The following EIF2AK4 variants were observed in gnomAD, a reference collection of about 807,000 sequenced individuals.
EIF2AK4 encodes the protein eukaryotic translation initiation factor 2 alpha kinase 4.
EIF2AK4 carries 139 observed loss-of-function variants against 211.1 expected under a neutral mutation model. The observed-to-expected ratio is 0.66, with a 90% CI of 0.57 to 0.76. EIF2AK4 has a LOEUF of 0.76. Among genes scored for constraint, EIF2AK4 ranks in the 30% least tolerant of loss-of-function variants. The probability of loss-of-function intolerance (pLI) is 0.00; values close to 1 mark genes in which losing one functional copy is unlikely to be tolerated. For missense variants in EIF2AK4, 1,664 were observed against 2,043.8 expected (o/e 0.81, Z 3.58); for synonymous variants, 710 against 751.3 (o/e 0.94, Z 0.90).
intron 6 of EIF2AK4, among the ~76,000 whole-genome samples, chr15:39,958,355 A>G (rs990877663): frequency 6.6e-6 from 1 of 152,216 alleles, no homozygotes; most frequent in Admixed American, 6.5e-5. Context: ...TCACCTATTT[A>G]TATCTACCAT....
chr15:40,034,752 A>G (rs1244223079), intron 38 of EIF2AK4, among the ~76,000 whole-genome samples: 2 of 152,212 alleles, frequency 1.3e-5, no homozygotes. Context: ...TCCTTATGTC[A>G]TAATGCCAAT....
At chr15:39,980,523 C>G (rs1294593012) in intron 13 of EIF2AK4, among the ~76,000 whole-genome samples, 1 of 152,140 alleles carries the variant, frequency 6.6e-6, no homozygotes, top group Non-Finnish European at 1.5e-5. Context: ...ATAGTTAATG[C>G]AACTGTTGCT....
chr15:40,032,247 T>C lies in EIF2AK4; in HGVS notation c.4728+10T>C. 1 of 1,613,608 alleles carries C rather than the reference T, an allele frequency of 6.2e-7. No homozygotes were observed. The highest frequency in any genetic ancestry group is 8.5e-7 in the Non-Finnish European group (1 of 1,179,456). On this transcript the variant is annotated intron_variant, in intron 36 of 38. Coordinates refer to ENST00000263791, the MANE Select transcript of EIF2AK4 (RefSeq NM_001013703.4). The stretch of plus-strand genomic sequence containing the variant: ...AATTGAAATTCTGGCTGTAAGTGGC[T>C]TTCTTTAGTATTTTGAAGGTGGCTT...
In EIF2AK4 at chr15:40,034,397, C is replaced by CCT; in HGVS notation, c.4847_4848dup (p.Lys1617SerfsTer3). ...TGTCACGCCTGCCAAAGCAAAGATA[C>CCT]CTCAAATTAGTCTGTGATGAAATTT... On this transcript the variant is annotated frameshift_variant, in exon 38 of 39. Transcript: ENST00000263791. LOFTEE classifies it high-confidence loss of function. 1 of 1,613,876 alleles carries CCT rather than the reference C, an allele frequency of 6.2e-7. No homozygotes were observed. Among genetic ancestry groups the CCT allele is most frequent in the Non-Finnish European group, 8.5e-7 (1 of 1,179,898 alleles).
intron 15 of EIF2AK4, among the ~76,000 whole-genome samples, chr15:39,988,551 G>A (rs965195471): frequency 6.6e-6 from 1 of 152,038 alleles, no homozygotes; most frequent in Non-Finnish European, 1.5e-5. Context: ...GCCTATGGCT[G>A]TTTTTTTTCC....
intron 27 of EIF2AK4, among the ~76,000 whole-genome samples, 187 bp downstream of exon 27, chr15:40,011,533 T>C (rs2035235356): frequency 6.6e-6 from 1 of 152,224 alleles, no homozygotes; most frequent in Admixed American, 6.5e-5. Context: ...AAACTAATGC[T>C]GTGATCAAAG....
intron 35 of EIF2AK4, among the ~76,000 whole-genome samples, chr15:40,031,702 CCTTT>C (rs923280897): frequency 2.0e-5 from 3 of 152,026 alleles, no homozygotes; most frequent in East Asian, 1.9e-4. Flanking sequence ...GCTAGACACC[CCTTT>C]CTGAGTGGAT....
Position 39,992,751 on chromosome 15 carries a change from C to CT in EIF2AK4, c.2687-17dup. 6.2e-7 allele frequency: 1 copy of CT among 1,612,200 alleles called. No homozygotes were observed. The highest frequency in any genetic ancestry group is 8.5e-7 in the Non-Finnish European group (1 of 1,178,328). On this transcript the variant is annotated splice_polypyrimidine_tract_variant and intron_variant, in intron 17 of 38. Transcript: ENST00000263791. Reference sequence around the variant, plus strand: ...GTGCTATTATTGGGACGTTTTCCCTCTGTTTTCCTCCACACAGGTCACTTA... The same window carrying CT: ...GTGCTATTATTGGGACGTTTTCCCTCTTGTTTTCCTCCACACAGGTCACTTA...
intron 29 of EIF2AK4, among the ~76,000 whole-genome samples, chr15:40,017,501 CTATATATATATATATATA>C (rs202237104): frequency 0.043 from 1,133 of 26,098 alleles, 80 homozygotes; most frequent in South Asian, 0.065. Context: ...TACTCTGTTT[CTATATATATATATATATA>C]TATATATATA....
intron 9 of EIF2AK4, among the ~76,000 whole-genome samples, chr15:39,972,180 G>A (rs72729490): frequency 0.074 from 11,161 of 151,840 alleles, 757 homozygotes; most frequent in Admixed American, 0.2. Flanking sequence ...GCAGTGTGGT[G>A]AAACCCTATC....
intron 19 of EIF2AK4, among the ~76,000 whole-genome samples, chr15:39,998,245 T>C (rs1299560425): frequency 6.6e-6 from 1 of 150,960 alleles, no homozygotes; most frequent in Admixed American, 6.6e-5. Flanking sequence ...TCTGTGTTGG[T>C]ATATGGGTGT....
intron 2 of EIF2AK4, among the ~76,000 whole-genome samples, chr15:39,942,273 C>A (rs2034155659): frequency 6.6e-6 from 1 of 152,166 alleles, no homozygotes; most frequent in African/African-American, 2.4e-5. Context: ...ATTTCAGCCC[C>A]ATCCCAGACC....
chr15:39,959,622 A>G (rs2034439179), intron 6 of EIF2AK4, among the ~76,000 whole-genome samples: 1 of 152,210 alleles, frequency 6.6e-6, no homozygotes, highest in Admixed American at 6.5e-5. Context: ...GCATTTACAC[A>G]TTGTAAACTT....
rs55669603 is a variant in EIF2AK4 at position 39,944,432 on chromosome 15, C to CTTTT, written c.360+961_360+964dup. Among the ~76,000 whole-genome samples, 4 of 121,196 alleles carry CTTTT rather than the reference C, an allele frequency of 3.3e-5. 1 individual carries two copies. The highest frequency in any genetic ancestry group is 6.7e-5 in the African/African-American group (2 of 29,842). 79.5% of individuals were successfully genotyped at this position (121,196 alleles called of 152,430 possible). On this transcript the variant is annotated intron_variant, in intron 3 of 38. Transcript: ENST00000263791. ...CCTGGCAGCTTATGTTTAACGATCT[C>CTTTT]TTTTTTTTTTTTTTTTTGAGGCGGA...
intron 37 of EIF2AK4, among the ~76,000 whole-genome samples, chr15:40,033,858 C>T (rs1292104695): frequency 6.6e-6 from 1 of 152,016 alleles, no homozygotes; most frequent in South Asian, 2.1e-4. Flanking sequence ...GAAACCCCAT[C>T]TCTACTAAAA....
intron 1 of EIF2AK4, among the ~76,000 whole-genome samples, chr15:39,936,561 C>T (rs772675173): frequency 1.3e-5 from 2 of 152,074 alleles, no homozygotes; most frequent in East Asian, 1.9e-4. Flanking sequence ...TACAGGTACC[C>T]GCCTCCACAC....
chr15:39,939,431 A>G, intron 1 of EIF2AK4, 74 bp from the exon 2 acceptor site: 1 of 825,220 alleles, frequency 1.2e-6, no homozygotes. Flanking sequence ...TTGATCTAAA[A>G]TGATCATTAT....
Position 40,020,902 on chromosome 15 carries a change from A to C in EIF2AK4, c.4177A>C (p.Thr1393Pro). The C allele has an allele frequency of 6.2e-7, 1 of 1,608,860 alleles. No homozygotes were observed. The highest frequency in any genetic ancestry group is 2.2e-5 in the East Asian group (1 of 44,720). The change falls in exon 31 of 39, where the codon ACA becomes CCA. Residue 1393 changes from threonine to proline, a missense_variant. This residue lies in a region of EIF2AK4 where 622 missense variants were observed against 796.8 expected (regional missense o/e 0.78). Transcript: ENST00000263791. The part of the protein sequence containing the change: ...AAVLNMEESV[T>P]ISSCDLLVVS... The stretch of plus-strand genomic sequence containing the variant: ...AACCGGTCTGTTTCTGATCCAGGTT[A>C]CAATAAGCTCTTGTGACCTCCTGGT...
At chr15:39,942,240 G>A (rs1386469467) in intron 2 of EIF2AK4, among the ~76,000 whole-genome samples, 1 of 152,084 alleles carries the variant, frequency 6.6e-6, no homozygotes, top group African/African-American at 2.4e-5. Context: ...GAGACTCCCG[G>A]GTTAGATTCT....
Sources: allele counts gnomAD v4.1 joint callset (sites outside exome capture counted in the v4.1 genomes callset), GRCh38; gene constraint gnomAD v4.1.1; regional missense constraint gnomAD v4.1.1; transcripts MANE v1.5; gene names NCBI Gene and HGNC (gene_info 2026-07-23, HGNC 2026-07-21).